THRAP3: variants seen among roughly 807,000 people sequenced by gnomAD.
THRAP3 encodes the protein thyroid hormone receptor-associated protein 3.
Under a neutral mutation model 101.0 loss-of-function variants are expected in THRAP3, and 16 were observed. The observed-to-expected ratio is 0.16, with a 90% CI of 0.11 to 0.24. THRAP3 has a LOEUF of 0.24. THRAP3 is among the 10% of genes least tolerant of loss of function. The pLI is 1.00. For synonymous variants in THRAP3, 407 were observed against 422.6 expected, an observed-to-expected ratio of 0.96 and a Z score of 0.45; for missense variants, 989 against 1,202.7, an observed-to-expected ratio of 0.82 and a Z score of 2.63.
chr1:36,295,575 TCCCTCCTC>T (rs1557456496), intron 8 of THRAP3, among the ~76,000 whole-genome samples: 3 of 139,210 alleles, frequency 2.2e-5, no homozygotes, highest in African/African-American at 7.9e-5. Context: ...CTTCCTTCCT[TCCCTCCTC>T]CCTTCCTTCC....
intron 2 of THRAP3, among the ~76,000 whole-genome samples, chr1:36,275,322 T>G (rs534750044): frequency 2.9e-4 from 40 of 139,766 alleles, no homozygotes; most frequent in African/African-American, 1.0e-3. Flanking sequence ...GTGTGGTGGC[T>G]CACGCCTGTA....
chr1:36,215,898 T>C, the THRAP3 span, among the ~76,000 whole-genome samples: 977 of 152,048 alleles, frequency 6.4e-3, 11 homozygotes, highest in African/African-American at 0.022. Flanking sequence ...TACAGGTGTG[T>C]GCCATCACGC....
chr1:36,289,158 A>G lies in THRAP3; in HGVS notation c.1139A>G (p.Asp380Gly), dbSNP rs1355238752. 2 of 1,613,812 alleles carry G rather than the reference A, an allele frequency of 1.2e-6. No individual in the cohort carries two copies. Among genetic ancestry groups the G allele is most frequent in the Non-Finnish European group, 1.7e-6 (2 of 1,180,008 alleles). The change falls in exon 5 of 12, where the codon GAC becomes GGC. Residue 380 changes from aspartate to glycine, a missense_variant. Asp to Gly is a moderately conservative substitution (Grantham distance 94). Coordinates refer to ENST00000354618, the MANE Select transcript of THRAP3 (RefSeq NM_005119.4). Reference protein sequence around the residue: ...EKIKEKGSFSDTGLGDGKMKS... With the variant: ...EKIKEKGSFSGTGLGDGKMKS... ...ATAAAAGAGAAAGGGAGCTTCTCTG[A>G]CACAGGCTTGGGTGATGGAAAAATG...
intron 5 of THRAP3, among the ~76,000 whole-genome samples, chr1:36,290,129 C>T (rs896986683): frequency 2.0e-4 from 31 of 152,100 alleles, no homozygotes; most frequent in African/African-American, 7.0e-4. Context: ...ATAGTACGGC[C>T]CTTCCCCATC....
chr1:36,209,057 G>T, the THRAP3 span, among the ~76,000 whole-genome samples: 19 of 133,942 alleles, frequency 1.4e-4, no homozygotes, highest in Admixed American at 7.2e-4. Context: ...GCTCACTGCA[G>T]CCTCGAACTC....
intron 4 of THRAP3, 184 bp from the exon 5 acceptor site, chr1:36,288,876 A>G (rs1198736967): frequency 1.0e-6 from 1 of 985,382 alleles, no homozygotes; most frequent in Non-Finnish European, 1.2e-6. Context: ...GCAAGTTCAT[A>G]GAACTGTGAA....
At chr1:36,297,923 G>T (rs1302857294) in intron 9 of THRAP3, among the ~76,000 whole-genome samples, 2 of 150,460 alleles carry the variant, frequency 1.3e-5, no homozygotes, top group East Asian at 4.0e-4. Flanking sequence ...GAGGCAGGAA[G>T]ATCACGTGGT....
chr1:36,243,912 C>G (rs866951493), intron 1 of THRAP3, among the ~76,000 whole-genome samples: 1 of 143,494 alleles, frequency 7.0e-6, no homozygotes. Context: ...GGGCGGCTGG[C>G]CGGGCGGGGG....
upstream of THRAP3, among the ~76,000 whole-genome samples, chr1:36,220,949 G>T (rs1644899707): frequency 2.8e-5 from 2 of 72,456 alleles, no homozygotes; most frequent in African/African-American, 1.8e-4. Flanking sequence ...GAGTGAGACT[G>T]TCTCAAAAAA....
chr1:36,228,508 C>T (rs1398194293), intron 1 of THRAP3, among the ~76,000 whole-genome samples: 5 of 152,206 alleles, frequency 3.3e-5, no homozygotes, highest in African/African-American at 7.2e-5. Flanking sequence ...TGTGAGCCAG[C>T]GCATCTGGCC....
intron 8 of THRAP3, among the ~76,000 whole-genome samples, chr1:36,295,954 C>CTTTTTTTTTTTTT (rs575028397): frequency 8.3e-5 from 5 of 60,498 alleles, no homozygotes; most frequent in Non-Finnish European, 1.4e-4. Context: ...GCCTTCTCAA[C>CTTTTTTTTTTTTT]TTTTTTTTTT....
chr1:36,242,353 A>G (rs1287263311), intron 1 of THRAP3, among the ~76,000 whole-genome samples: 1 of 151,302 alleles, frequency 6.6e-6, no homozygotes, highest in African/African-American at 2.4e-5. Flanking sequence ...AGGTCTTGCC[A>G]TGTTGCCCAG....
rs187682122 is a variant in THRAP3 at position 36,262,337 on chromosome 1, A to G, written c.-32+2853A>G. On this transcript the variant is annotated intron_variant, in intron 2 of 11. Transcript: ENST00000354618. ...AGAGTTCATACTTCTGAAGGAACAG[A>G]TAAACTAGTATGATTAAGTTAATGA... Among the ~76,000 whole-genome samples the G allele has an allele frequency of 1.6e-4, 24 of 152,368 alleles. No homozygotes were observed. In the East Asian group the frequency reaches 4.4e-3, roughly 28 times the overall value.
At chr1:36,228,687 C>T (rs1644990553) in intron 1 of THRAP3, among the ~76,000 whole-genome samples, 3 of 152,130 alleles carry the variant, frequency 2.0e-5, no homozygotes, top group South Asian at 2.1e-4. Context: ...AATCTATGGC[C>T]GGTGGACTCC....
At position 36,303,927 on chromosome 1, in the gene THRAP3, G is replaced by A. The variant is rs1432910342; in HGVS notation, c.2778G>A (p.Lys926=). The A allele has an allele frequency of 6.2e-7, 1 of 1,613,394 alleles. No individual in the cohort carries two copies. ...SSTSPKWAHD[K]FSGEEGEIED... is the part of the protein sequence containing the mutation. ...CCAGCCCCAAGTGGGCCCATGACAA[G>A]TTCAGTGGGGAGGAAGGGGAGATTG... The change falls in exon 12 of 12, where the codon AAG becomes AAA. Residue 926 remains lysine (K), a synonymous_variant. Coordinates refer to ENST00000354618, the MANE Select transcript of THRAP3 (RefSeq NM_005119.4).
At chr1:36,236,090 TA>T (rs562876630) in intron 1 of THRAP3, among the ~76,000 whole-genome samples, 86 of 141,700 alleles carry the variant, frequency 6.1e-4, no homozygotes, top group Non-Finnish European at 7.5e-4. Context: ...CTACTAAAAA[TA>T]AAAAAAAAAA....
chr1:36,223,870 G>C (rs533309465), upstream of THRAP3, among the ~76,000 whole-genome samples: 12 of 152,234 alleles, frequency 7.9e-5, no homozygotes, highest in South Asian at 2.1e-4. Context: ...CCCTCCATTT[G>C]CGTTGCGCTT....
In THRAP3 at chr1:36,239,392, A is replaced by G. The variant is rs193147315; in HGVS notation, c.-135+14887A>G. Among the ~76,000 whole-genome samples, 240 of 151,336 alleles carry G rather than the reference A, an allele frequency of 1.6e-3. 1 individual carries two copies. Among genetic ancestry groups the G allele is most frequent in the African/African-American group, 5.7e-3 (233 of 41,236 alleles). On this transcript the variant is annotated intron_variant, in intron 1 of 11. Transcript: ENST00000354618. ...AGCGATTCTCCTGCCTCAGCCTCCC[A>G]AGTAGATGGGATTACAGGTTTGCGC...
At chr1:36,288,372 TG>T (rs1226974468) in intron 4 of THRAP3, 4 of 984,096 alleles carry the variant, frequency 4.1e-6, no homozygotes, top group African/African-American at 1.7e-5. Flanking sequence ...GTCCTCATAG[TG>T]TAGCTCCCAA....
Sources: gnomAD v4.1 joint callset for allele counts (sites outside exome capture counted in the v4.1 genomes callset) on GRCh38, gnomAD v4.1.1 for gene constraint, MANE v1.5 for transcripts, NCBI Gene and HGNC (gene_info 2026-07-23, HGNC 2026-07-21) for gene names.